Variants in CAMK1D observed in about 807,000 individuals in gnomAD.
The protein encoded by CAMK1D is calcium/calmodulin-dependent protein kinase type 1D.
A neutral mutation model predicts 47.7 loss-of-function variants in CAMK1D; 9 were observed. The observed-to-expected ratio is 0.19, with a 90% CI of 0.11 to 0.33. CAMK1D has a LOEUF of 0.33. CAMK1D is among the 10% of genes least tolerant of loss of function. CAMK1D has a pLI of 1.00. For missense variants in CAMK1D, 291 were observed against 488.7 expected, an observed-to-expected ratio of 0.60 and a Z score of 3.81; for synonymous variants, 184 against 184.9, an observed-to-expected ratio of 0.99 and a Z score of 0.04.
chr10:12,669,103 G>A (rs1443565196), intron 3 of CAMK1D, among the ~76,000 whole-genome samples: 2 of 152,072 alleles, frequency 1.3e-5, no homozygotes, highest in Non-Finnish European at 2.9e-5. Flanking sequence ...ATGGTGGTGG[G>A]CACCTGCAGT....
rs535214333 is a variant in CAMK1D, at chr10:12,595,342, G to GAAAAAAAAAAAA, written c.224+41997_224+42008dup. ...GGGCAACAAGAGTGAAACTCCATCTGAAAAAAAAAAAAAAAAAAAAAAGGA... is the reference window on the plus strand; with the variant it reads ...GGGCAACAAGAGTGAAACTCCATCTGAAAAAAAAAAAAAAAAAAAAAAAAAAAAAAAAAAGGA... On this transcript the variant is annotated intron_variant, in intron 2 of 10. Transcript: ENST00000619168. 5.1e-4 allele frequency among the ~76,000 whole-genome samples: 12 copies of GAAAAAAAAAAAA among 23,564 alleles called. 4 individuals are homozygous for GAAAAAAAAAAAA. Among genetic ancestry groups the GAAAAAAAAAAAA allele is most frequent in the African/African-American group, 1.1e-3 (6 of 5,542 alleles). The allele number at this position is 23,564 out of a possible 152,430, so 15.5% of individuals were successfully genotyped here.
At chr10:12,735,259 G>A (rs965710990) in intron 3 of CAMK1D, among the ~76,000 whole-genome samples, 5 of 152,148 alleles carry the variant, frequency 3.3e-5, no homozygotes, top group African/African-American at 1.2e-4. Context: ...GGCGGATCAC[G>A]AGGTCAGGAG....
intron 3 of CAMK1D, among the ~76,000 whole-genome samples, chr10:12,753,565 G>T (rs995499707): frequency 1.3e-5 from 2 of 152,134 alleles, no homozygotes; most frequent in Admixed American, 6.5e-5. Flanking sequence ...CATCCACCCC[G>T]TGTGGTCCTT....
At chr10:12,557,538 C>T (rs1977439) in intron 2 of CAMK1D, among the ~76,000 whole-genome samples, 43,486 of 129,846 alleles carry the variant, frequency 0.33, 6,832 homozygotes, top group Middle Eastern at 0.51. Flanking sequence ...GGCGACAGAG[C>T]GAGACTCCAT....
intron 4 of CAMK1D, among the ~76,000 whole-genome samples, chr10:12,767,915 C>A (rs755143412): frequency 6.6e-6 from 1 of 152,202 alleles, no homozygotes; most frequent in African/African-American, 2.4e-5. Context: ...TCTTGTCATC[C>A]AGGCTGGAGT....
intron 1 of CAMK1D, among the ~76,000 whole-genome samples, chr10:12,511,943 G>T (rs937270012): frequency 6.6e-6 from 1 of 152,236 alleles, no homozygotes; most frequent in African/African-American, 2.4e-5. Context: ...GAAGCTGAAC[G>T]AGTTCACCCA....
At chr10:12,730,372 C>T (rs1279056024) in intron 3 of CAMK1D, among the ~76,000 whole-genome samples, 1 of 152,144 alleles carries the variant, frequency 6.6e-6, no homozygotes, top group Admixed American at 6.5e-5. Flanking sequence ...ACGGGGTCAG[C>T]ACCGATTTGG....
At chr10:12,600,047 G>C (rs972639723) in intron 2 of CAMK1D, among the ~76,000 whole-genome samples, 5 of 152,228 alleles carry the variant, frequency 3.3e-5, no homozygotes, top group East Asian at 1.9e-4. Context: ...GGAGGCTGCA[G>C]TGAGCTATGA....
intron 1 of CAMK1D, among the ~76,000 whole-genome samples, chr10:12,513,740 T>G (rs1078774): frequency 0.53 from 79,996 of 151,890 alleles, 21,212 homozygotes; most frequent in South Asian, 0.61. Context: ...GGTGGAGGCT[T>G]CAGTGGGCCG....
intron 2 of CAMK1D, among the ~76,000 whole-genome samples, chr10:12,647,604 G>T (rs17152055): frequency 0.13 from 19,218 of 152,078 alleles, 1,509 homozygotes; most frequent in African/African-American, 0.22. Context: ...CTTTCAGTTG[G>T]GCGGGAATTG....
chr10:12,622,070 G>A (rs1481719239), intron 2 of CAMK1D, among the ~76,000 whole-genome samples: 1 of 152,166 alleles, frequency 6.6e-6, no homozygotes, highest in Non-Finnish European at 1.5e-5. Context: ...GGCGGGGTTA[G>A]GCCTCGTTAC....
intron 2 of CAMK1D, among the ~76,000 whole-genome samples, chr10:12,606,245 C>G (rs180704221): frequency 6.6e-6 from 1 of 152,300 alleles, no homozygotes; most frequent in Non-Finnish European, 1.5e-5. Context: ...TTCTGCTCTG[C>G]CCCATGGGCC....
intron 1 of CAMK1D, among the ~76,000 whole-genome samples, chr10:12,365,114 G>A (rs767868768): frequency 1.3e-5 from 2 of 151,822 alleles, no homozygotes; most frequent in Non-Finnish European, 2.9e-5. Flanking sequence ...ACACCACCAC[G>A]CCAGGCTAAT....
intron 1 of CAMK1D, among the ~76,000 whole-genome samples, chr10:12,378,644 C>T (rs1462179882): frequency 6.6e-6 from 1 of 151,386 alleles, no homozygotes; most frequent in African/African-American, 2.4e-5. Context: ...AAACTTTCTT[C>T]TCTACTCTTT....
intron 3 of CAMK1D, among the ~76,000 whole-genome samples, chr10:12,671,585 C>G (rs939067542): frequency 3.3e-5 from 5 of 151,552 alleles, no homozygotes; most frequent in African/African-American, 1.2e-4. Flanking sequence ...TAGCCACTTA[C>G]ATATCTTCTT....
chr10:12,821,375 C>T (rs1005239163), intron 8 of CAMK1D, among the ~76,000 whole-genome samples: 10 of 152,186 alleles, frequency 6.6e-5, no homozygotes, highest in African/African-American at 1.2e-4. Flanking sequence ...GAGTGTTCGC[C>T]GAACCCCCGC....
intron 2 of CAMK1D, among the ~76,000 whole-genome samples, chr10:12,573,737 T>G (rs1837398371): frequency 6.6e-6 from 1 of 151,522 alleles, no homozygotes; most frequent in East Asian, 1.9e-4. Context: ...CACTGCAGCC[T>G]TGAAACTTCT....
chr10:12,509,122 G>A (rs947961810), intron 1 of CAMK1D, among the ~76,000 whole-genome samples: 25 of 152,132 alleles, frequency 1.6e-4, no homozygotes, highest in Admixed American at 4.6e-4. Flanking sequence ...AGAGAGAGAG[G>A]TCAGGGGGGA....
At chr10:12,816,036 C>T (rs1248391283) in intron 7 of CAMK1D, among the ~76,000 whole-genome samples, 2 of 152,156 alleles carry the variant, frequency 1.3e-5, no homozygotes, top group Non-Finnish European at 2.9e-5. Flanking sequence ...TCCCAGGCCA[C>T]CTCCTCACTG....
Sources: allele counts gnomAD v4.1 joint callset (sites outside exome capture counted in the v4.1 genomes callset), GRCh38; gene constraint gnomAD v4.1.1; transcripts MANE v1.5; gene names NCBI Gene and HGNC (gene_info 2026-07-23, HGNC 2026-07-21).